Variants in PCDHGA9 observed in about 807,000 individuals in gnomAD.
PCDHGA9 encodes the protein protocadherin gamma-A9.
In PCDHGA9, 37 loss-of-function variants were observed where a neutral mutation model predicts 62.5. The observed-to-expected ratio is 0.59, with a 90% CI of 0.46 to 0.78. The LOEUF is 0.78. PCDHGA9 is among the 30% of genes least tolerant of loss of function. The pLI is 0.00. For missense variants in PCDHGA9, 1,138 were observed against 1,166.2 expected, an observed-to-expected ratio of 0.98 and a Z score of 0.35; for synonymous variants, 459 against 484.6, an observed-to-expected ratio of 0.95 and a Z score of 0.69.
At chr5:141,461,689 A>G (rs2099020485) in intron 1 of PCDHGA9, among the ~76,000 whole-genome samples, 1 of 152,120 alleles carries the variant, frequency 6.6e-6, no homozygotes, top group Admixed American at 6.6e-5. Context: ...GTTTATTTTG[A>G]GACAGAGTTT....
chr5:141,497,104 T>C (rs757158984), intron 2 of PCDHGA9, among the ~76,000 whole-genome samples: 44 of 151,910 alleles, frequency 2.9e-4, no homozygotes, highest in Non-Finnish European at 5.9e-4. Context: ...CAGAACTGCT[T>C]GAACCCGGAA....
chr5:141,478,623 GT>G (rs1337268572), intron 1 of PCDHGA9: 14 of 1,554,358 alleles, frequency 9.0e-6, no homozygotes, highest in African/African-American at 1.4e-5. Context: ...GAATGGAGCT[GT>G]TTTTTTAGTG....
At chr5:141,423,785 A>G (rs531378008) in intron 1 of PCDHGA9, 48 of 1,269,536 alleles carry the variant, frequency 3.8e-5, no homozygotes, top group Non-Finnish European at 4.4e-5. Context: ...TTTAGTTCAT[A>G]TATATTTAGA....
Position 141,489,999 on chromosome 5 carries a change from GA to G in PCDHGA9, c.2425-4806del. On this transcript the variant is annotated intron_variant, in intron 1 of 3. Transcript: ENST00000573521. The surrounding 1 kb of genome is among the most constrained non-coding windows in gnomAD (Gnocchi z 4.5). ...CAGTTCTACGTGTGGGAATCCCAGA[GA>G]ATGCACCCATTGGTACTCTGCTGCT... 1 of 1,614,242 alleles carries G rather than the reference GA, an allele frequency of 6.2e-7. No individual in the cohort carries two copies. Among genetic ancestry groups the G allele is most frequent in the Non-Finnish European group, 8.5e-7 (1 of 1,180,032 alleles).
Position 141,490,672 on chromosome 5 carries a change from G to A in PCDHGA9, c.2425-4135G>A. ...GGGCTCCCTTCTTTGCACTGTGGCT[G>A]CCTCAGATCCAGACACTGGGGATAA... is the stretch of plus-strand genomic sequence containing the variant. On this transcript the variant is annotated intron_variant, in intron 1 of 3. Transcript: ENST00000573521. This position sits in a 1 kb window ranked among gnomAD's most constrained non-coding sequence, Gnocchi z 5.4. 1.2e-6 allele frequency: 2 copies of A among 1,614,114 alleles called. No homozygotes were observed. Among genetic ancestry groups the A allele is most frequent in the Non-Finnish European group, 1.7e-6 (2 of 1,179,996 alleles).
At position 141,476,717 on chromosome 5, in the gene PCDHGA9, G is replaced by A. The variant is rs2099397053; in HGVS notation, c.2425-18090G>A. 6.2e-7 allele frequency: 1 copy of A among 1,614,048 alleles called. No homozygotes were observed. The stretch of plus-strand genomic sequence containing the variant: ...GTACGCGGAGCTGGTGTTGGAGCGC[G>A]CCCTGGACCGAGAACGGGAGCCTAG... On this transcript the variant is annotated intron_variant, in intron 1 of 3. Transcript: ENST00000573521. This position sits in a 1 kb window ranked among gnomAD's most constrained non-coding sequence, Gnocchi z 7.6.
chr5:141,509,811 C>T (rs1321920000), intron 3 of PCDHGA9, among the ~76,000 whole-genome samples: 1 of 152,168 alleles, frequency 6.6e-6, no homozygotes, highest in African/African-American at 2.4e-5. Flanking sequence ...TAGAGCCGAG[C>T]TCTTCTCCAT....
At position 141,438,276 on chromosome 5, in the gene PCDHGA9, ATAATT is replaced by A. The variant is rs533892835; in HGVS notation, c.2424+32905_2424+32909del. ...TGAAGAGACCATAGAATCAAACAAA[ATAATT>A]TAATCTGTATGTAAAAGAAGTTGGT... On this transcript the variant is annotated intron_variant, in intron 1 of 3. Coordinates refer to ENST00000573521, the MANE Select transcript of PCDHGA9 (RefSeq NM_018921.3). 1.4e-3 allele frequency among the ~76,000 whole-genome samples: 213 copies of A among 152,246 alleles called. 1 individual carries two copies. The highest frequency in any genetic ancestry group is 4.8e-3 in the African/African-American group (199 of 41,534).
intron 1 of PCDHGA9, among the ~76,000 whole-genome samples, chr5:141,465,090 A>G (rs566511602): frequency 6.7e-6 from 1 of 149,576 alleles, no homozygotes; most frequent in Admixed American, 6.7e-5. Flanking sequence ...TCATTTTTCT[A>G]GTAGTTTTTT....
chr5:141,447,742 T>G (rs1440015460), intron 1 of PCDHGA9, among the ~76,000 whole-genome samples: 3 of 152,056 alleles, frequency 2.0e-5, no homozygotes, highest in Non-Finnish European at 4.4e-5. Flanking sequence ...AACTTAAGAG[T>G]CTTGCATGTG....
chr5:141,415,325 C>A (rs1046074461), intron 1 of PCDHGA9: 2 of 1,614,094 alleles, frequency 1.2e-6, no homozygotes, highest in Non-Finnish European at 1.7e-6. Context: ...GTGCTGCTGG[C>A]GCACAGGCTG....
chr5:141,410,682 C>T (rs1589771736), intron 1 of PCDHGA9: 2 of 1,531,954 alleles, frequency 1.3e-6, no homozygotes, highest in South Asian at 1.2e-5. Context: ...ATATTTTAGG[C>T]ATACTACTTT....
Position 141,432,587 on chromosome 5 carries a change from A to C in PCDHGA9, c.2424+27211A>C. ...CGCCTGGCTGTCCTACCGTCTGCTC[A>C]AGGCCAGCGAGCCGGGACTCTTCTC... On this transcript the variant is annotated intron_variant, in intron 1 of 3. Transcript: ENST00000573521. This position sits in a 1 kb window ranked among gnomAD's most constrained non-coding sequence, Gnocchi z 6.0. 1.9e-6 allele frequency: 3 copies of C among 1,613,250 alleles called. No individual in the cohort carries two copies. Among genetic ancestry groups the C allele is most frequent in the Non-Finnish European group, 2.5e-6 (3 of 1,179,918 alleles).
At chr5:141,499,557 C>G (rs972965979) in intron 2 of PCDHGA9, among the ~76,000 whole-genome samples, 1 of 152,192 alleles carries the variant, frequency 6.6e-6, no homozygotes, top group African/African-American at 2.4e-5. Context: ...TATGATACCA[C>G]TATCCAGCTT....
chr5:141,422,569 G>C, intron 1 of PCDHGA9: 2 of 1,613,984 alleles, frequency 1.2e-6, no homozygotes, highest in Non-Finnish European at 1.7e-6. Flanking sequence ...AGATGACAAC[G>C]ATAACCCTCC....
intron 1 of PCDHGA9, among the ~76,000 whole-genome samples, chr5:141,406,795 C>G (rs1277584347): frequency 6.6e-6 from 1 of 152,204 alleles, no homozygotes; most frequent in African/African-American, 2.4e-5. Context: ...TTATTTCTGG[C>G]TCAATTCTCC....
chr5:141,505,486 G>A lies in PCDHGA9; in HGVS notation c.2572+5G>A, dbSNP rs1291166546. The A allele has an allele frequency of 1.8e-5, 29 of 1,614,088 alleles. No homozygotes were observed. The highest frequency in any genetic ancestry group is 2.1e-5 in the Non-Finnish European group (25 of 1,180,018). On this transcript the variant is annotated splice_donor_5th_base_variant and intron_variant, in intron 3 of 3. Transcript: ENST00000573521. ...TGATCTTGGCGTCCGCCAGTGGTAA[G>A]TGGTGTCAGTGTGTGTATGGAAGAG...
intron 1 of PCDHGA9, chr5:141,423,091 G>GCGTAC (rs2096708211): frequency 2.5e-6 from 4 of 1,613,908 alleles, no homozygotes; most frequent in African/African-American, 2.7e-5. Context: ...CGCGGTGGGG[G>GCGTAC]AGCACACGGG....
intron 1 of PCDHGA9, chr5:141,415,029 G>C (rs777967290): frequency 6.2e-7 from 1 of 1,613,552 alleles, no homozygotes; most frequent in South Asian, 1.1e-5. Flanking sequence ...CCAGCGAGCC[G>C]GGACTCTTCG....
Sources: gnomAD v4.1 joint callset for allele counts (sites outside exome capture counted in the v4.1 genomes callset) on GRCh38, gnomAD v4.1.1 for gene constraint, Gnocchi (gnomAD v3.1) non-coding constraint, MANE v1.5 for transcripts, NCBI Gene and HGNC (gene_info 2026-07-23, HGNC 2026-07-21) for gene names.